WDFY1: variants seen among roughly 807,000 people sequenced by gnomAD.
WDFY1 encodes WD repeat and FYVE domain containing 1, also known as WD repeat and FYVE domain-containing protein 1.
WDFY1 carries 32 observed loss-of-function variants against 56.4 expected under a neutral mutation model. The observed-to-expected ratio is 0.57, with a 90% CI of 0.43 to 0.76. The LOEUF (loss-of-function observed/expected upper bound fraction) is 0.76, where lower values mean the gene tolerates loss of function less well. Among genes scored for constraint, WDFY1 ranks in the 30% least tolerant of loss-of-function variants. WDFY1 has a pLI of 0.00. For synonymous variants in WDFY1, 192 were observed against 197.3 expected, an observed-to-expected ratio of 0.97 and a Z score of 0.23; for missense variants, 480 against 545.7, an observed-to-expected ratio of 0.88 and a Z score of 1.20.
chr2:223,928,318 T>G (rs1694019034), intron 1 of WDFY1, among the ~76,000 whole-genome samples: 1 of 152,108 alleles, frequency 6.6e-6, no homozygotes, highest in African/African-American at 2.4e-5. Context: ...TCAAATCATA[T>G]AACTAAATTA....
intron 8 of WDFY1, among the ~76,000 whole-genome samples, chr2:223,889,717 G>C (rs1459465170): frequency 6.6e-6 from 1 of 152,178 alleles, no homozygotes; most frequent in East Asian, 1.9e-4. Context: ...TTAGCAGCCT[G>C]AGAATGGACT....
Position 223,880,025 on chromosome 2 carries a change from A to C in WDFY1, c.1173+99T>G, listed in dbSNP as rs1428370783. The stretch of plus-strand genomic sequence containing the variant: ...TTTAAACTGGCAATCATTTGCTTAT[A>C]AAGCTTGCCAGTCAGAAAGAGTGAC... On this transcript the variant is annotated intron_variant, in intron 11 of 11. Transcript: ENST00000233055. 2.8e-6 allele frequency: 3 copies of C among 1,056,146 alleles called. No homozygotes were observed. In the African/African-American group the frequency reaches 4.8e-5, roughly 17 times the overall value. 65.4% of individuals were successfully genotyped at this position (1,056,146 alleles called of 1,614,324 possible). A position where few individuals can be genotyped will look rare whatever the true frequency, so the allele number is the denominator to read the frequency against.
intron 1 of WDFY1, among the ~76,000 whole-genome samples, chr2:223,934,615 G>T (rs1323577367): frequency 6.6e-6 from 1 of 152,012 alleles, no homozygotes; most frequent in African/African-American, 2.4e-5. Context: ...CCACCTCCCG[G>T]GTTCAAGTGA....
At chr2:223,938,291 A>AT (rs993733077) in intron 1 of WDFY1, among the ~76,000 whole-genome samples, 2 of 152,230 alleles carry the variant, frequency 1.3e-5, no homozygotes, top group African/African-American at 2.4e-5. Context: ...GCCTTAACTT[A>AT]TTTATAAGGC....
At chr2:223,884,948 T>G (rs773301496) in intron 8 of WDFY1, among the ~76,000 whole-genome samples, 199 bp from the exon 9 acceptor site, 13 of 150,346 alleles carry the variant, frequency 8.6e-5, no homozygotes, top group Non-Finnish European at 1.6e-4. Context: ...TTCAAGTGAC[T>G]CTCCTGCCTC....
In WDFY1 at chr2:223,880,301, T is replaced by A. The variant is rs1407150368; in HGVS notation, c.1065-69A>T. On this transcript the variant is annotated intron_variant, in intron 10 of 11. Coordinates refer to ENST00000233055, the MANE Select transcript of WDFY1 (RefSeq NM_020830.5). ...CTAGAGCTAGTGGGGTAAGCTTTTTTAGCAACATAAAATAAGCAAATATGG... is the reference window on the plus strand; with the variant it reads ...CTAGAGCTAGTGGGGTAAGCTTTTTAAGCAACATAAAATAAGCAAATATGG... 10 of 1,441,142 alleles carry A rather than the reference T, an allele frequency of 6.9e-6. No homozygotes were observed. The East Asian group carries it at 2.1e-4, about 30-fold the overall frequency. 89.3% of individuals were successfully genotyped at this position (1,441,142 alleles called of 1,614,324 possible). A position where few individuals can be genotyped will look rare whatever the true frequency, so the allele number is the denominator to read the frequency against.
rs1296494208 is a variant in WDFY1 at position 223,876,148 on chromosome 2, C to T, written c.*2523G>A. ...AAACTTGTTTATAATGAAGAATCGG[C>T]ATTTCCTTACCACATATATACTAGA... On this transcript the variant is annotated 3_prime_UTR_variant, in exon 12 of 12. Transcript: ENST00000233055. The T allele has an allele frequency of 2.0e-5, 3 of 152,430 alleles. No homozygotes were observed. Among genetic ancestry groups the T allele is most frequent in the African/African-American group, 4.8e-5 (2 of 41,390 alleles). The allele number at this position is 152,430 out of a possible 1,614,324, so 9.4% of individuals were successfully genotyped here.
Position 223,899,062 on chromosome 2 carries a change from A to C in WDFY1, c.494T>G (p.Phe165Cys). The change falls in exon 6 of 12, where the codon TTT becomes TGT. Residue 165 changes from phenylalanine (F) to cysteine (C), a missense_variant. Phe to Cys is a radical substitution (Grantham distance 205). Coordinates refer to ENST00000233055, the MANE Select transcript of WDFY1 (RefSeq NM_020830.5). ...TSWASCLQYD[F>C]DTQYAFVGDY... ...ACCAACGAAAGCATACTGAGTGTCA[A>C]AGTCATATCTGAGGAGAAGCAGTCA... The C allele has an allele frequency of 6.2e-7, 1 of 1,613,998 alleles. No homozygotes were observed. Among genetic ancestry groups the C allele is most frequent in the Non-Finnish European group, 8.5e-7 (1 of 1,179,858 alleles).
intron 1 of WDFY1, among the ~76,000 whole-genome samples, chr2:223,924,891 T>G (rs1414330627): frequency 6.6e-6 from 1 of 152,178 alleles, no homozygotes; most frequent in East Asian, 1.9e-4. Flanking sequence ...TAGAACTATT[T>G]GGCAAGAATT....
intron 9 of WDFY1, 109 bp downstream of exon 9, chr2:223,884,539 A>G: frequency 1.0e-6 from 1 of 978,306 alleles, no homozygotes; most frequent in African/African-American, 1.6e-5. Context: ...AAATGTAGGA[A>G]TTAATAGCAT....
intron 5 of WDFY1, among the ~76,000 whole-genome samples, chr2:223,899,552 C>T (rs1574765032): frequency 2.0e-5 from 3 of 152,154 alleles, no homozygotes; most frequent in African/African-American, 7.2e-5. Flanking sequence ...CAAGACCAAC[C>T]TGGCCAACAT....
chr2:223,883,669 G>A (rs1002436676), intron 9 of WDFY1, among the ~76,000 whole-genome samples: 2 of 152,002 alleles, frequency 1.3e-5, no homozygotes, highest in African/African-American at 4.8e-5. Context: ...TTTTTGAGAT[G>A]GAGTCTCGCT....
At chr2:223,886,726 G>A (rs1465632767) in intron 8 of WDFY1, among the ~76,000 whole-genome samples, 7 of 12,438 alleles carry the variant, frequency 5.6e-4, no homozygotes, top group African/African-American at 7.3e-4. Flanking sequence ...GTGAAACTCC[G>A]TCTAAAAAAA....
At chr2:223,911,089 A>G (rs1301832142) in intron 3 of WDFY1, among the ~76,000 whole-genome samples, 1 of 152,232 alleles carries the variant, frequency 6.6e-6, no homozygotes, top group East Asian at 1.9e-4. Flanking sequence ...TAATTAATTA[A>G]TTCAAACAGG....
intron 4 of WDFY1, among the ~76,000 whole-genome samples, chr2:223,905,431 G>C (rs1254186626): frequency 1.3e-5 from 2 of 151,988 alleles, no homozygotes; most frequent in Non-Finnish European, 2.9e-5. Context: ...GAGGTGGGAG[G>C]GTCACTTAAG....
chr2:223,895,082 T>TA (rs1038092237), intron 7 of WDFY1, among the ~76,000 whole-genome samples: 7 of 152,270 alleles, frequency 4.6e-5, no homozygotes, highest in Middle Eastern at 3.4e-3. Context: ...TCTTTTAGAA[T>TA]AAAAAAACAA....
chr2:223,934,969 C>A (rs1694144759), intron 1 of WDFY1, among the ~76,000 whole-genome samples: 3 of 152,082 alleles, frequency 2.0e-5, no homozygotes, highest in African/African-American at 7.2e-5. Context: ...GCAAACATCG[C>A]ACAAGAAGTC....
At chr2:223,918,360 G>T (rs2106092646) in intron 1 of WDFY1, among the ~76,000 whole-genome samples, 1 of 152,288 alleles carries the variant, frequency 6.6e-6, no homozygotes, top group East Asian at 1.9e-4. Context: ...CAGGCGCGGT[G>T]GCTCACGCCT....
At chr2:223,904,555 T>C (rs573468488) in intron 4 of WDFY1, among the ~76,000 whole-genome samples, 57 of 152,248 alleles carry the variant, frequency 3.7e-4, no homozygotes, top group African/African-American at 1.3e-3. Flanking sequence ...GCCTGGATGC[T>C]TTTCTCCTAT....
Sources: gnomAD v4.1 joint callset for allele counts (sites outside exome capture counted in the v4.1 genomes callset) on GRCh38, gnomAD v4.1.1 for gene constraint, MANE v1.5 for transcripts, NCBI Gene and HGNC (gene_info 2026-07-23, HGNC 2026-07-21) for gene names.